Variants in NREP observed in about 807,000 individuals in gnomAD.
The protein encoded by NREP is neuronal regeneration related protein.
A neutral mutation model predicts 8.6 loss-of-function variants in NREP; 5 were observed. That is an observed-to-expected ratio of 0.58 (90% CI 0.30 to 1.22). NREP has a LOEUF of 1.22. Among genes scored for constraint, NREP ranks in the 50% most tolerant of loss-of-function variants. The pLI is 0.07. For synonymous variants in NREP, 27 were observed against 28.0 expected (o/e 0.96, Z 0.11); for missense variants, 86 against 82.5 (o/e 1.04, Z -0.17).
intron 2 of NREP, among the ~76,000 whole-genome samples, chr5:111,972,841 G>C (rs1424733233): frequency 6.6e-6 from 1 of 152,194 alleles, no homozygotes; most frequent in Non-Finnish European, 1.5e-5. Context: ...CTGCTGCTAG[G>C]GTGCCTGCCA....
intron 2 of NREP, among the ~76,000 whole-genome samples, chr5:111,817,017 T>G (rs1368615698): frequency 1.3e-5 from 2 of 152,104 alleles, no homozygotes; most frequent in Admixed American, 6.5e-5. Flanking sequence ...AATGATTTAT[T>G]CCTATAACTA....
intron 2 of NREP, among the ~76,000 whole-genome samples, chr5:111,752,620 T>C (rs1750434684): frequency 6.6e-6 from 1 of 152,174 alleles, no homozygotes; most frequent in Non-Finnish European, 1.5e-5. Flanking sequence ...TCACAAACTA[T>C]ACAGAAAGCA....
chr5:111,962,076 TCCA>T (rs1756494924), intron 2 of NREP, among the ~76,000 whole-genome samples: 1 of 152,166 alleles, frequency 6.6e-6, no homozygotes, highest in Non-Finnish European at 1.5e-5. Flanking sequence ...TCTAGCAGCC[TCCA>T]CAAGAACCAA....
At chr5:111,806,670 C>G (rs1487872844) in intron 2 of NREP, among the ~76,000 whole-genome samples, 1 of 152,052 alleles carries the variant, frequency 6.6e-6, no homozygotes, top group Non-Finnish European at 1.5e-5. Flanking sequence ...CCTTTCTAGC[C>G]CTGACTGTTT....
chr5:111,882,481 G>A lies in NREP; in HGVS notation c.135+92793C>T, dbSNP rs543484300. On this transcript the variant is annotated intron_variant, in intron 2 of 3. Coordinates refer to the NREP transcript ENST00000395634. ...TTTGGATGCAGGAAATACAGAGAAC[G>A]CAACAAAGATACTCCTCAAGAAGAG... Among the ~76,000 whole-genome samples the A allele has an allele frequency of 6.6e-5, 10 of 152,146 alleles. No homozygotes were observed. In the South Asian group the frequency reaches 1.2e-3, roughly 19 times the overall value.
intron 2 of NREP, among the ~76,000 whole-genome samples, chr5:111,897,352 A>G (rs914034743): frequency 6.6e-6 from 1 of 152,224 alleles, no homozygotes; most frequent in Non-Finnish European, 1.5e-5. Flanking sequence ...ACACTGTGCC[A>G]GTGCATTCTA....
intron 2 of NREP, among the ~76,000 whole-genome samples, chr5:111,797,368 T>G (rs2112899718): frequency 6.6e-6 from 1 of 152,360 alleles, no homozygotes; most frequent in African/African-American, 2.4e-5. Flanking sequence ...AGTCCAATTG[T>G]TATCCTCTAA....
chr5:111,932,714 G>T (rs769436107), intron 2 of NREP, among the ~76,000 whole-genome samples: 2 of 151,940 alleles, frequency 1.3e-5, no homozygotes, highest in Non-Finnish European at 2.9e-5. Flanking sequence ...TTGATATCTG[G>T]TATATAAGAC....
At chr5:111,744,097 T>C (rs39944) in intron 2 of NREP, among the ~76,000 whole-genome samples, 6 of 152,150 alleles carry the variant, frequency 3.9e-5, no homozygotes, top group Non-Finnish European at 7.4e-5. Context: ...GCATTCCTCT[T>C]GTTGACATGT....
At chr5:111,816,933 A>C (rs1025225918) in intron 2 of NREP, among the ~76,000 whole-genome samples, 13 of 152,092 alleles carry the variant, frequency 8.5e-5, no homozygotes, top group Non-Finnish European at 1.6e-4. Flanking sequence ...ATAATGTTGA[A>C]GTAACTATAC....
intron 1 of NREP, chr5:111,756,296 T>TAAA (rs77528562): frequency 1.2e-3 from 282 of 238,030 alleles, no homozygotes; most frequent in Middle Eastern, 2.1e-3. Flanking sequence ...CTTCCGTGTT[T>TAAA]AAAAAAAAAA....
At chr5:111,863,654 G>T (rs1310574099) in intron 2 of NREP, among the ~76,000 whole-genome samples, 1 of 151,384 alleles carries the variant, frequency 6.6e-6, no homozygotes, top group Non-Finnish European at 1.5e-5. Context: ...TGAGAGTGTA[G>T]TATCACTGAA....
At chr5:111,757,638 G>A, upstream of NREP, 1 of 982,940 alleles carries the variant, frequency 1.0e-6, no homozygotes, top group Non-Finnish European at 1.2e-6. Context: ...CCGCACCCGC[G>A]CCCCGGGCGC....
chr5:111,854,100 C>G (rs548389326), intron 2 of NREP, among the ~76,000 whole-genome samples: 2 of 152,060 alleles, frequency 1.3e-5, no homozygotes, highest in African/African-American at 4.8e-5. Context: ...TCTTTATTCT[C>G]AAAGAAGAAT....
chr5:111,804,644 C>T (rs1356713409), intron 2 of NREP, among the ~76,000 whole-genome samples: 3 of 151,900 alleles, frequency 2.0e-5, no homozygotes, highest in Admixed American at 6.6e-5. Context: ...TCAGGGAAAG[C>T]GCTGCTATCC....
chr5:111,924,393 G>A (rs921257411), intron 2 of NREP, among the ~76,000 whole-genome samples: 1 of 152,096 alleles, frequency 6.6e-6, no homozygotes. Flanking sequence ...AGGTTAACTG[G>A]GCAGTCTGGC....
intron 2 of NREP, among the ~76,000 whole-genome samples, chr5:111,969,926 C>G (rs1035620456): frequency 1.3e-5 from 2 of 152,156 alleles, no homozygotes; most frequent in Non-Finnish European, 2.9e-5. Flanking sequence ...AATTGTGGAG[C>G]AAAACTCTTG....
upstream of NREP, chr5:111,757,544 A>AG (rs1750806725): frequency 1.0e-6 from 1 of 984,806 alleles, no homozygotes; most frequent in Non-Finnish European, 1.2e-6. Context: ...GCAGCCGCCT[A>AG]GGAGCCAGAC....
At chr5:111,946,476 T>C (rs181294367) in intron 2 of NREP, among the ~76,000 whole-genome samples, 1 of 152,198 alleles carries the variant, frequency 6.6e-6, no homozygotes, top group East Asian at 1.9e-4. Flanking sequence ...TTTTTCATTT[T>C]ATATATGATG....
Sources: gnomAD v4.1 joint callset for allele counts (sites outside exome capture counted in the v4.1 genomes callset) on GRCh38, gnomAD v4.1.1 for gene constraint, MANE v1.5 for transcripts, NCBI Gene and HGNC (gene_info 2026-07-23, HGNC 2026-07-21) for gene names.